The following NXPE2 variants were observed in gnomAD, a reference collection of about 807,000 sequenced individuals.
NXPE2 encodes NXPE family member 2.
In NXPE2, 34 loss-of-function variants were observed where a neutral mutation model predicts 34.4. The ratio of observed to expected loss-of-function variants is 0.99; its 90% CI spans 0.75 to 1.31. The LOEUF (loss-of-function observed/expected upper bound fraction) is 1.31, where lower values mean the gene tolerates loss of function less well. Among genes scored for constraint, NXPE2 ranks in the 40% most tolerant of loss-of-function variants. The pLI, the probability that NXPE2 is intolerant of heterozygous loss-of-function variation, is 0.00. For synonymous variants in NXPE2, 235 were observed against 231.3 expected (o/e 1.02, Z -0.15); for missense variants, 649 against 672.5 (o/e 0.97, Z 0.39).
the NXPE2 span, chr11:114,571,359 G>C: frequency 6.2e-7 from 1 of 1,613,978 alleles, no homozygotes; most frequent in South Asian, 1.1e-5. Context: ...ATAGGTCATT[G>C]ATCCTATCAA....
At chr11:114,606,732 G>A in the NXPE2 span, among the ~76,000 whole-genome samples, 1 of 151,934 alleles carries the variant, frequency 6.6e-6, no homozygotes, top group African/African-American at 2.4e-5. Flanking sequence ...GGTAACCACT[G>A]CTACCTGCTG....
the NXPE2 span, among the ~76,000 whole-genome samples, chr11:114,756,687 A>C: frequency 1.6e-4 from 24 of 152,322 alleles, no homozygotes; most frequent in South Asian, 1.5e-3. Context: ...ACTATCTGCA[A>C]AAATGTACAT....
the NXPE2 span, among the ~76,000 whole-genome samples, chr11:114,767,104 T>C: frequency 1.3e-5 from 2 of 152,226 alleles, no homozygotes; most frequent in African/African-American, 4.8e-5. Context: ...ATCTATATTA[T>C]GACACAGTTA....
chr11:114,631,643 T>G, the NXPE2 span, among the ~76,000 whole-genome samples: 1 of 152,104 alleles, frequency 6.6e-6, no homozygotes, highest in East Asian at 1.9e-4. Context: ...CTGCACATTG[T>G]GCACAGGTAC....
the NXPE2 span, among the ~76,000 whole-genome samples, chr11:114,598,103 A>G: frequency 6.6e-6 from 1 of 152,196 alleles, no homozygotes; most frequent in Non-Finnish European, 1.5e-5. Flanking sequence ...TCCCTTTTAC[A>G]TTCTAAAAGG....
chr11:114,590,507 C>G, the NXPE2 span, among the ~76,000 whole-genome samples: 4 of 152,122 alleles, frequency 2.6e-5, no homozygotes, highest in Non-Finnish European at 5.9e-5. Flanking sequence ...AAAAGAAACT[C>G]AAGTGGATAA....
the NXPE2 span, among the ~76,000 whole-genome samples, chr11:114,485,144 G>T: frequency 6.6e-6 from 1 of 152,118 alleles, no homozygotes; most frequent in African/African-American, 2.4e-5. Flanking sequence ...CAGGGTAAAA[G>T]GGGTATCCAT....
At chr11:114,520,405 C>T in the NXPE2 span, among the ~76,000 whole-genome samples, 29 of 152,252 alleles carry the variant, frequency 1.9e-4, no homozygotes, top group Middle Eastern at 6.8e-3. Flanking sequence ...CTTAGCGTAA[C>T]GTCCTCCAGG....
At chr11:114,617,979 TAA>T in the NXPE2 span, among the ~76,000 whole-genome samples, 3 of 151,634 alleles carry the variant, frequency 2.0e-5, no homozygotes, top group African/African-American at 7.3e-5. Flanking sequence ...CAGTTTGTAA[TAA>T]GTGTTGCCTC....
chr11:114,700,703 G>A (rs1951350217), intron 3 of NXPE2, among the ~76,000 whole-genome samples: 1 of 152,112 alleles, frequency 6.6e-6, no homozygotes, highest in Non-Finnish European at 1.5e-5. Context: ...ATACAATCTG[G>A]AGAAATAATT....
the NXPE2 span, among the ~76,000 whole-genome samples, chr11:114,631,833 G>A: frequency 6.6e-6 from 1 of 151,206 alleles, no homozygotes; most frequent in Non-Finnish European, 1.5e-5. Flanking sequence ...GGTAACCGAT[G>A]TTACCCGGTG....
the NXPE2 span, among the ~76,000 whole-genome samples, chr11:114,747,371 A>G: frequency 6.6e-6 from 1 of 152,210 alleles, no homozygotes; most frequent in Non-Finnish European, 1.5e-5. Flanking sequence ...GGAGAAGAGT[A>G]TTTGGACTTT....
At chr11:114,472,091 T>G in the NXPE2 span, among the ~76,000 whole-genome samples, 3 of 152,210 alleles carry the variant, frequency 2.0e-5, no homozygotes, top group African/African-American at 7.2e-5. Context: ...AAACAACATT[T>G]GGCCTCTAGC....
the NXPE2 span, among the ~76,000 whole-genome samples, chr11:114,544,184 C>A: frequency 2.0e-5 from 3 of 152,044 alleles, no homozygotes; most frequent in African/African-American, 4.8e-5. Context: ...GATTCAATAC[C>A]ATTTCAATAA....
the NXPE2 span, chr11:114,551,831 G>C: frequency 1.3e-5 from 2 of 152,398 alleles, no homozygotes; most frequent in East Asian, 3.9e-4. Flanking sequence ...GACAATGAGG[G>C]AGAGAGATGG....
chr11:114,688,445 T>C (rs1565383018), intron 2 of NXPE2, among the ~76,000 whole-genome samples: 1 of 152,068 alleles, frequency 6.6e-6, no homozygotes, highest in East Asian at 1.9e-4. Flanking sequence ...CCCACTTAAT[T>C]GTGGCGAATT....
chr11:114,630,087 C>A, the NXPE2 span, among the ~76,000 whole-genome samples: 3 of 151,642 alleles, frequency 2.0e-5, no homozygotes, highest in Non-Finnish European at 2.9e-5. Context: ...GTGAAAATGG[C>A]CATACTGCCC....
At chr11:114,742,666 T>C in the NXPE2 span, among the ~76,000 whole-genome samples, 1 of 151,502 alleles carries the variant, frequency 6.6e-6, no homozygotes, top group South Asian at 2.1e-4. Flanking sequence ...ACTTCTTTAC[T>C]GGACTCTCAT....
At chr11:114,794,381 T>C in the NXPE2 span, among the ~76,000 whole-genome samples, 4 of 152,188 alleles carry the variant, frequency 2.6e-5, no homozygotes, top group Non-Finnish European at 4.4e-5. Flanking sequence ...GGACATTTAG[T>C]TGGCCCAATC....
Sources: allele counts gnomAD v4.1 joint callset (sites outside exome capture counted in the v4.1 genomes callset), GRCh38; gene constraint gnomAD v4.1.1; transcripts MANE v1.5; gene names NCBI Gene and HGNC (gene_info 2026-07-23, HGNC 2026-07-21).